LARP4B: variants seen among roughly 807,000 people sequenced by gnomAD.
The protein encoded by LARP4B is la-related protein 4B.
In LARP4B, 12 loss-of-function variants were observed where a neutral mutation model predicts 89.8. The observed-to-expected ratio is 0.13, with a 90% CI of 0.09 to 0.22. The LOEUF is 0.22. Among genes scored for constraint, LARP4B ranks in the 10% least tolerant of loss-of-function variants. The pLI, the probability that LARP4B is intolerant of heterozygous loss-of-function variation, is 1.00. For synonymous variants in LARP4B, 367 were observed against 363.3 expected (o/e 1.01, Z -0.12); for missense variants, 757 against 947.7 (o/e 0.80, Z 2.64).
At chr10:893,636 C>A (rs766520408) in intron 1 of LARP4B, among the ~76,000 whole-genome samples, 1 of 152,190 alleles carries the variant, frequency 6.6e-6, no homozygotes, top group Non-Finnish European at 1.5e-5. Flanking sequence ...TATTCATCTA[C>A]GCTTTTCCAG....
intron 3 of LARP4B, among the ~76,000 whole-genome samples, chr10:876,505 A>T (rs1564425834): frequency 1.3e-5 from 2 of 152,250 alleles, no homozygotes; most frequent in Non-Finnish European, 2.9e-5. Context: ...GCCTCTCTGG[A>T]GAATCATCTC....
intron 1 of LARP4B, among the ~76,000 whole-genome samples, chr10:926,140 G>A (rs540548027): frequency 6.6e-6 from 1 of 152,106 alleles, no homozygotes; most frequent in Non-Finnish European, 1.5e-5. Context: ...AACATCTACA[G>A]TTTACCAGTC....
intron 5 of LARP4B, 151 bp from the exon 6 acceptor site, chr10:845,206 A>G (rs1439662641): frequency 3.5e-6 from 2 of 573,672 alleles, no homozygotes; most frequent in Non-Finnish European, 3.0e-6. Context: ...TACCTATCAA[A>G]AAAGTAAATC....
At chr10:913,613 T>C (rs1836734736) in intron 1 of LARP4B, among the ~76,000 whole-genome samples, 1 of 152,234 alleles carries the variant, frequency 6.6e-6, no homozygotes, top group Admixed American at 6.5e-5. Context: ...GCTAACTTTG[T>C]TTAATGAACT....
At position 836,406 on chromosome 10, in the gene LARP4B, C is replaced by T; in HGVS notation, c.747G>A (p.Val249=). The change falls in exon 8 of 18, where the codon GTG becomes GTA. Residue 249 remains valine (V), a synonymous_variant. Transcript: ENST00000316157. ...CTTCAGAGGAGAAATTACTTACTTC[C>T]ACGGGGGTAGATTCAGATATTTCAC... ...ILREISESTP[V]EEVEALFKGD... 2 of 1,595,874 alleles carry T rather than the reference C, an allele frequency of 1.3e-6. No homozygotes were observed. Among genetic ancestry groups the T allele is most frequent in the Non-Finnish European group, 1.7e-6 (2 of 1,165,642 alleles).
intron 1 of LARP4B, among the ~76,000 whole-genome samples, chr10:912,309 A>G (rs1263136487): frequency 2.0e-5 from 3 of 147,702 alleles, no homozygotes; most frequent in Admixed American, 1.3e-4. Context: ...AAAAGAAAAG[A>G]AAAAAAAATC....
chr10:867,808 C>A (rs1230492144), intron 3 of LARP4B, among the ~76,000 whole-genome samples: 1 of 139,220 alleles, frequency 7.2e-6, no homozygotes, highest in Non-Finnish European at 1.5e-5. Flanking sequence ...TTGCAGTGAG[C>A]TGAGATAGTA....
intron 5 of LARP4B, among the ~76,000 whole-genome samples, chr10:849,019 A>G (rs953015063): frequency 1.3e-5 from 2 of 152,198 alleles, no homozygotes; most frequent in Admixed American, 1.3e-4. Context: ...CACGAGAGAA[A>G]CGGCGGCAGA....
At chr10:867,576 G>A (rs186480679) in intron 3 of LARP4B, among the ~76,000 whole-genome samples, 22 of 152,132 alleles carry the variant, frequency 1.4e-4, no homozygotes, top group South Asian at 4.1e-4. Flanking sequence ...GAACTCCAGC[G>A]TCGGCCGGGT....
chr10:835,071 C>T (rs1833129057), intron 8 of LARP4B, among the ~76,000 whole-genome samples: 1 of 150,696 alleles, frequency 6.6e-6, no homozygotes, highest in African/African-American at 2.4e-5. Context: ...AAGAAATATG[C>T]TGGTCCTTCA....
At chr10:941,954 T>A in the LARP4B span, among the ~76,000 whole-genome samples, 56 of 152,262 alleles carry the variant, frequency 3.7e-4, no homozygotes, top group African/African-American at 5.3e-4. Flanking sequence ...TACATTTTTT[T>A]AAAAATCTGC....
At chr10:906,442 G>A (rs1246120378) in intron 1 of LARP4B, among the ~76,000 whole-genome samples, 3 of 152,210 alleles carry the variant, frequency 2.0e-5, no homozygotes, top group Non-Finnish European at 2.9e-5. Context: ...CAACTCCACT[G>A]GTGGGAAGAG....
At chr10:927,604 C>A (rs1476232930) in intron 1 of LARP4B, among the ~76,000 whole-genome samples, 2 of 152,196 alleles carry the variant, frequency 1.3e-5, no homozygotes, top group South Asian at 2.1e-4. Flanking sequence ...CTCTGAGTGC[C>A]TCATTTACTT....
chr10:813,151 GGAA>G lies in LARP4B; in HGVS notation c.1989_1991del (p.Ser664del). 3 of 1,613,946 alleles carry G rather than the reference GGAA, an allele frequency of 1.9e-6. No homozygotes were observed. Among genetic ancestry groups the G allele is most frequent in the Admixed American group, 1.7e-5 (1 of 59,974 alleles). ...TTTGTTCTTTTTGGGGTTGCAATGG[GGAA>G]GAAGGAGGCTCTTTACTCGTTCTCT... On this transcript the variant is annotated inframe_deletion, in exon 18 of 18. Coordinates refer to ENST00000316157, the MANE Select transcript of LARP4B (RefSeq NM_015155.3).
chr10:862,466 G>A (rs529774596), intron 5 of LARP4B, among the ~76,000 whole-genome samples: 1 of 152,116 alleles, frequency 6.6e-6, no homozygotes, highest in Non-Finnish European at 1.5e-5. Flanking sequence ...AGTGGGGTGG[G>A]GGAGGGGACA....
intron 5 of LARP4B, among the ~76,000 whole-genome samples, chr10:847,737 G>A (rs1261788707): frequency 1.3e-5 from 2 of 152,052 alleles, no homozygotes; most frequent in African/African-American, 2.4e-5. Flanking sequence ...CACCATGTTG[G>A]TCAGGCTGGT....
chr10:867,170 A>G (rs918811258), intron 3 of LARP4B, among the ~76,000 whole-genome samples: 3 of 152,220 alleles, frequency 2.0e-5, no homozygotes, highest in Non-Finnish European at 4.4e-5. Flanking sequence ...ATGTTCAATC[A>G]ATGCTGTGAC....
At chr10:868,196 G>A (rs1835013296) in intron 3 of LARP4B, among the ~76,000 whole-genome samples, 1 of 152,032 alleles carries the variant, frequency 6.6e-6, no homozygotes, top group Non-Finnish European at 1.5e-5. Context: ...GGACTGGCCG[G>A]TGAGGTACAG....
chr10:845,340 AGT>A (rs1411652541), intron 5 of LARP4B, among the ~76,000 whole-genome samples: 1 of 152,252 alleles, frequency 6.6e-6, no homozygotes, highest in Non-Finnish European at 1.5e-5. Context: ...GTGTAAGCTT[AGT>A]TAATGCCTTG....
Sources: gnomAD v4.1 joint callset for allele counts (sites outside exome capture counted in the v4.1 genomes callset) on GRCh38, gnomAD v4.1.1 for gene constraint, MANE v1.5 for transcripts, NCBI Gene and HGNC (gene_info 2026-07-23, HGNC 2026-07-21) for gene names.